Variants in TIMD4 observed in about 807,000 individuals in gnomAD.
TIMD4 encodes T-cell immunoglobulin and mucin domain-containing protein 4.
A neutral mutation model predicts 41.2 loss-of-function variants in TIMD4; 31 were observed. The ratio of observed to expected loss-of-function variants is 0.75; its 90% CI spans 0.57 to 1.01. The LOEUF (loss-of-function observed/expected upper bound fraction) is 1.01, where lower values mean the gene tolerates loss of function less well. TIMD4 is among the 50% of genes least tolerant of loss of function. TIMD4 has a pLI of 0.00. For missense variants in TIMD4, 479 were observed against 472.5 expected (o/e 1.01, Z -0.13); for synonymous variants, 204 against 177.1 (o/e 1.15, Z -1.21).
chr5:156,919,447 T>C lies in TIMD4; in HGVS notation c.*10A>G, dbSNP rs368938857. 2.5e-5 allele frequency: 41 copies of C among 1,611,508 alleles called. No homozygotes were observed. Among genetic ancestry groups the C allele is most frequent in the Non-Finnish European group, 3.5e-5 (41 of 1,177,738 alleles). ...TGCCCCCATCCTCAATCTAACATGC[T>C]ACTGCGTTGTTAGAGGGTAAAAAGG... On this transcript the variant is annotated 3_prime_UTR_variant, in exon 9 of 9. Transcript: ENST00000274532.
chr5:156,935,766 A>G (rs1319757703), intron 5 of TIMD4: 4 of 152,250 alleles, frequency 2.6e-5, no homozygotes, highest in African/African-American at 4.8e-5. Context: ...CCCTAGCAAC[A>G]AAATCTCATC....
chr5:156,958,280 TGAAA>T lies in TIMD4; in HGVS notation c.59-3528_59-3525del, dbSNP rs750075793. On this transcript the variant is annotated intron_variant, in intron 1 of 8. Coordinates refer to ENST00000274532, the MANE Select transcript of TIMD4 (RefSeq NM_138379.3). Reference sequence around the variant, plus strand: ...TGAGGGAGGACAGGGCAAGACTCTGTGAAAGAAAGAGAGAAAGAAAGAAAGAAGG... The same window carrying T: ...TGAGGGAGGACAGGGCAAGACTCTGTGAAAGAGAGAAAGAAAGAAAGAAGG... 1.3e-4 allele frequency among the ~76,000 whole-genome samples: 18 copies of T among 134,680 alleles called. No individual in the cohort carries two copies. In the East Asian group the frequency reaches 1.9e-3, roughly 14 times the overall value. 88.4% of individuals were successfully genotyped at this position (134,680 alleles called of 152,430 possible). A position where few individuals can be genotyped will look rare whatever the true frequency, so the allele number is the denominator to read the frequency against.
At chr5:156,940,487 C>T (rs1200300258) in intron 5 of TIMD4, among the ~76,000 whole-genome samples, 1 of 151,964 alleles carries the variant, frequency 6.6e-6, no homozygotes, top group Non-Finnish European at 1.5e-5. Context: ...CTCTTCCCGG[C>T]CGCCGCCCCG....
intron 5 of TIMD4, among the ~76,000 whole-genome samples, chr5:156,938,130 T>C (rs1759573519): frequency 6.6e-6 from 1 of 152,204 alleles, no homozygotes; most frequent in Non-Finnish European, 1.5e-5. Flanking sequence ...TTTACTTTAT[T>C]AAAATAGTGC....
chr5:156,954,291 C>A, intron 2 of TIMD4, 124 bp downstream of exon 2: 1 of 954,260 alleles, frequency 1.0e-6, no homozygotes, highest in Non-Finnish European at 1.5e-6. Context: ...CACTTTATTT[C>A]AAATTCAATC....
Position 156,951,639 on chromosome 5 carries a change from C to A in TIMD4, c.552G>T (p.Gln184His). ...TPDLTTGTPL[Q>H]MTTIAVFTTA... ...TTGTGAAGACGGCAATGGTTGTCAT[C>A]TGGAGTGGTGTTCCGGTTGTGAGAT... Residue 184 changes from glutamine to histidine, a missense_variant, in exon 3 of 9, where the codon CAG (glutamine) becomes CAT (histidine). Coordinates refer to ENST00000274532, the MANE Select transcript of TIMD4 (RefSeq NM_138379.3). 6.2e-7 allele frequency: 1 copy of A among 1,614,122 alleles called. No individual in the cohort carries two copies. Among genetic ancestry groups the A allele is most frequent in the East Asian group, 2.2e-5 (1 of 44,876 alleles).
At chr5:156,962,460 G>C (rs1439156692) in intron 1 of TIMD4, among the ~76,000 whole-genome samples, 1 of 151,936 alleles carries the variant, frequency 6.6e-6, no homozygotes, top group Non-Finnish European at 1.5e-5. Context: ...ATATTATCTT[G>C]TCCTAGAAGC....
intron 5 of TIMD4, among the ~76,000 whole-genome samples, chr5:156,947,135 T>C (rs1266797738): frequency 6.6e-6 from 1 of 151,880 alleles, no homozygotes; most frequent in Non-Finnish European, 1.5e-5. Flanking sequence ...GAGGCAGAGG[T>C]TGCAGTGAGC....
chr5:156,961,808 C>CAAAAAAAAAAAGAAAAAA (rs1753059080), intron 1 of TIMD4, among the ~76,000 whole-genome samples: 1 of 27,962 alleles, frequency 3.6e-5, no homozygotes, highest in Non-Finnish European at 8.3e-5. Flanking sequence ...GACTCCGTCT[C>CAAAAAAAAAAAGAAAAAA]AAAAAAAAAA....
intron 1 of TIMD4, among the ~76,000 whole-genome samples, chr5:156,962,410 A>T (rs1204272310): frequency 4.1e-4 from 3 of 7,332 alleles, no homozygotes; most frequent in Admixed American, 3.7e-3. Flanking sequence ...TATCCATTTA[A>T]AAAAAAAATG....
At chr5:156,934,012 G>A (rs533832046) in intron 5 of TIMD4, among the ~76,000 whole-genome samples, 6 of 152,320 alleles carry the variant, frequency 3.9e-5, no homozygotes, top group South Asian at 4.1e-4. Flanking sequence ...TATGCTTACC[G>A]TGGTACACCA....
At chr5:156,925,899 G>GT (rs752292548) in intron 6 of TIMD4, among the ~76,000 whole-genome samples, 2 of 151,986 alleles carry the variant, frequency 1.3e-5, no homozygotes, top group South Asian at 4.2e-4. Flanking sequence ...TTGTTTGTTT[G>GT]TTTTTTGTTT....
chr5:156,922,702 A>G (rs1759266253), intron 6 of TIMD4, among the ~76,000 whole-genome samples: 1 of 152,244 alleles, frequency 6.6e-6, no homozygotes, highest in African/African-American at 2.4e-5. Context: ...TCATTCTCTC[A>G]TGAGATATAC....
At chr5:156,956,928 A>C (rs1759981919) in intron 1 of TIMD4, among the ~76,000 whole-genome samples, 1 of 152,188 alleles carries the variant, frequency 6.6e-6, no homozygotes. Context: ...CTCAGCTGGC[A>C]GTAACATCCA....
At chr5:156,924,362 C>T (rs938592501) in intron 6 of TIMD4, 2 of 372,808 alleles carry the variant, frequency 5.4e-6, no homozygotes, top group Middle Eastern at 9.7e-4. Flanking sequence ...AGGAAAGGTA[C>T]TCCTAAATGA....
chr5:156,956,515 C>G (rs1759972468), intron 1 of TIMD4, among the ~76,000 whole-genome samples: 1 of 152,210 alleles, frequency 6.6e-6, no homozygotes. Flanking sequence ...AAGGCCAAGG[C>G]CAGTGCATAT....
Position 156,919,403 on chromosome 5 carries a change from T to C in TIMD4, c.*54A>G. 1.3e-5 allele frequency: 19 copies of C among 1,464,948 alleles called. No individual in the cohort carries two copies. Among genetic ancestry groups the C allele is most frequent in the Non-Finnish European group, 1.8e-5 (19 of 1,048,036 alleles). The allele number at this position is 1,464,948 out of a possible 1,614,324, so 90.7% of individuals were successfully genotyped here. A position where few individuals can be genotyped will look rare whatever the true frequency, so the allele number is the denominator to read the frequency against. On this transcript the variant is annotated 3_prime_UTR_variant, in exon 9 of 9. Coordinates refer to ENST00000274532, the MANE Select transcript of TIMD4 (RefSeq NM_138379.3). ...AAACAAGGAAATCTACTAAGACTTA[T>C]TTTGACACTGGAGTGTCATGCCCCC...
At position 156,948,464 on chromosome 5, in the gene TIMD4, C is replaced by A. The variant is rs369567558; in HGVS notation, c.796G>T (p.Val266Leu). ...GAATCACTCGTTTTCCACATTGACA[C>A]GTGGGATGTTGATGGGAGATCCCAA... Reference protein sequence around the residue: ...KVWDLPSTSHVSMWKTSDSVS... With the variant: ...KVWDLPSTSHLSMWKTSDSVS... Residue 266 changes from valine to leucine, a missense_variant, in exon 5 of 9, where the codon GTG (valine) becomes TTG (leucine). By Grantham distance (32) the Val-to-Leu change is conservative. Coordinates refer to ENST00000274532, the MANE Select transcript of TIMD4 (RefSeq NM_138379.3). 1 of 1,557,248 alleles carries A rather than the reference C, an allele frequency of 6.4e-7. No individual in the cohort carries two copies. Among genetic ancestry groups the A allele is most frequent in the African/African-American group, 1.4e-5 (1 of 73,236 alleles).
At chr5:156,933,003 C>CAA (rs200192366) in intron 5 of TIMD4, among the ~76,000 whole-genome samples, 5,367 of 125,966 alleles carry the variant, frequency 0.043, 242 homozygotes, top group African/African-American at 0.14. Context: ...GACTCTGTCT[C>CAA]AAAAAAAGAA....
Sources: allele counts gnomAD v4.1 joint callset (sites outside exome capture counted in the v4.1 genomes callset), GRCh38; gene constraint gnomAD v4.1.1; transcripts MANE v1.5; gene names NCBI Gene and HGNC (gene_info 2026-07-23, HGNC 2026-07-21).